CBLN2: variants seen among roughly 807,000 people sequenced by gnomAD.
The protein encoded by CBLN2 is cerebellin 2 precursor, also known as cerebellin-2.
Under a neutral mutation model 15.0 loss-of-function variants are expected in CBLN2, and 7 were observed. The observed-to-expected ratio is 0.47, with a 90% CI of 0.27 to 0.88. The LOEUF (loss-of-function observed/expected upper bound fraction) is 0.88. Ranked by LOEUF, CBLN2 falls within the 40% of genes least tolerant of loss-of-function variation. The pLI is 0.14. For missense variants in CBLN2, 242 were observed against 304.5 expected, an observed-to-expected ratio of 0.79 and a Z score of 1.53; for synonymous variants, 149 against 135.2, an observed-to-expected ratio of 1.10 and a Z score of -0.71.
intron 1 of CBLN2, among the ~76,000 whole-genome samples, chr18:72,553,458 T>TGATA (rs5826203): frequency 0.46 from 68,317 of 148,654 alleles, 15,787 homozygotes; most frequent in South Asian, 0.53. Flanking sequence ...TAACAATTTG[T>TGATA]GATAGATAGA....
chr18:72,564,892 T>C (rs1448245559), intron 1 of CBLN2, among the ~76,000 whole-genome samples: 2 of 152,130 alleles, frequency 1.3e-5, no homozygotes, highest in African/African-American at 4.8e-5. Context: ...GAGAGAACTC[T>C]AAAAGCAGCA....
Position 72,561,245 on chromosome 18 carries a change from A to C in CBLN2, c.16-22473T>G, listed in dbSNP as rs1234765547. Among the ~76,000 whole-genome samples the C allele has an allele frequency of 6.7e-5, 9 of 134,718 alleles. No individual in the cohort carries two copies. The East Asian group carries it at 5.5e-3, about 83-fold the overall frequency. 88.4% of individuals were successfully genotyped at this position (134,718 alleles called of 152,430 possible). ...AAACCAAAATAAAAACAACAACCCA[A>C]AAAAAAAAAAAAAAGATGCTTGACA... On this transcript the variant is annotated intron_variant, in intron 1 of 2. Coordinates refer to the CBLN2 transcript ENST00000581073.
chr18:72,596,106 C>T (rs1363590125), intron 1 of CBLN2, among the ~76,000 whole-genome samples: 2 of 151,968 alleles, frequency 1.3e-5, no homozygotes, highest in Admixed American at 1.3e-4. Flanking sequence ...TCTTCTCTTC[C>T]TTCTTTCTTT....
intron 1 of CBLN2, among the ~76,000 whole-genome samples, chr18:72,617,932 G>A (rs575809077): frequency 1.3e-5 from 2 of 152,046 alleles, no homozygotes; most frequent in East Asian, 1.9e-4. Flanking sequence ...ATTCCAGAAC[G>A]AGAAAAAGAA....
chr18:72,583,394 C>T (rs913388166), intron 1 of CBLN2, among the ~76,000 whole-genome samples: 14 of 152,104 alleles, frequency 9.2e-5, no homozygotes, highest in African/African-American at 3.4e-4. Flanking sequence ...CACGCCCAGT[C>T]CCTCCTTGCA....
chr18:72,540,786 G>A (rs1417977702), intron 3 of CBLN2, among the ~76,000 whole-genome samples: 1 of 152,154 alleles, frequency 6.6e-6, no homozygotes, highest in Non-Finnish European at 1.5e-5. Flanking sequence ...TGGTTATTAA[G>A]TTTAAGAGTT....
At chr18:72,561,027 A>G (rs552797604) in intron 1 of CBLN2, among the ~76,000 whole-genome samples, 136 of 152,262 alleles carry the variant, frequency 8.9e-4, no homozygotes, top group African/African-American at 3.2e-3. Context: ...TAAAGAAAGA[A>G]AAATAAAAAT....
rs76813961 is a variant in CBLN2 at position 72,554,656 on chromosome 18, A to G, written c.16-15884T>C. 4.2e-4 allele frequency among the ~76,000 whole-genome samples: 64 copies of G among 152,144 alleles called. 2 individuals are homozygous for G. The East Asian group carries it at 0.012, about 29-fold the overall frequency. On this transcript the variant is annotated intron_variant, in intron 1 of 2. Coordinates refer to the CBLN2 transcript ENST00000581073. ...TAAAAAAAAAAAATTGAATGCCTGC[A>G]AAGAAAAAAAAAACTAAAAACTCAG...
In CBLN2 at chr18:72,542,092, G is replaced by C; in HGVS notation, c.69C>G (p.Arg23=). 1 of 1,498,128 alleles carries C rather than the reference G, an allele frequency of 6.7e-7. No individual in the cohort carries two copies. The highest frequency in any genetic ancestry group is 8.8e-7 in the Non-Finnish European group (1 of 1,134,960). The allele number at this position is 1,498,128 out of a possible 1,614,324, so 92.8% of individuals were successfully genotyped here. A position where few individuals can be genotyped will look rare whatever the true frequency, so the allele number is the denominator to read the frequency against. The part of the protein sequence containing the change: ...LMMPGRRGAL[R]EPGGCGSCLG... ...GGCAGGATCCGCAGCCGCCCGGCTC[G>C]CGCAGCGCCCCCCGGCGCCCGGGCA... Residue 23 remains arginine (R), a synonymous_variant, in exon 3 of 5, where the codon CGC becomes CGG. Transcript: ENST00000269503.
At chr18:72,586,174 A>G (rs2069441773) in intron 1 of CBLN2, among the ~76,000 whole-genome samples, 1 of 152,188 alleles carries the variant, frequency 6.6e-6, no homozygotes, top group South Asian at 2.1e-4. Flanking sequence ...AGCCCTGGCC[A>G]TGCCTCCCCT....
At chr18:72,553,719 G>A (rs144314825) in intron 1 of CBLN2, among the ~76,000 whole-genome samples, 1 of 152,070 alleles carries the variant, frequency 6.6e-6, no homozygotes, top group East Asian at 1.9e-4. Context: ...CCTAATCCTG[G>A]TCATAGAATG....
At chr18:72,552,309 C>G (rs943182136) in intron 1 of CBLN2, among the ~76,000 whole-genome samples, 1 of 152,046 alleles carries the variant, frequency 6.6e-6, no homozygotes, top group African/African-American at 2.4e-5. Context: ...ATCTCGAACT[C>G]CTGACCTCAG....
At chr18:72,541,731 AC>A in intron 3 of CBLN2, 72 bp downstream of exon 3, 1 of 1,278,904 alleles carries the variant, frequency 7.8e-7, no homozygotes, top group Non-Finnish European at 1.1e-6. Flanking sequence ...AGAAGCCTGA[AC>A]CCCAGCCCGC....
At chr18:72,633,467 G>A (rs146563749) in intron 1 of CBLN2, among the ~76,000 whole-genome samples, 1 of 152,162 alleles carries the variant, frequency 6.6e-6, no homozygotes, top group Non-Finnish European at 1.5e-5. Flanking sequence ...CAGGATAGTA[G>A]CTAGCTTAAA....
At chr18:72,597,048 A>G (rs1483448817) in intron 1 of CBLN2, among the ~76,000 whole-genome samples, 4 of 152,194 alleles carry the variant, frequency 2.6e-5, no homozygotes, top group Non-Finnish European at 4.4e-5. Flanking sequence ...ACCAATAATT[A>G]TTAGGTTTGC....
At chr18:72,632,027 T>C (rs1055691919) in intron 1 of CBLN2, among the ~76,000 whole-genome samples, 1 of 152,176 alleles carries the variant, frequency 6.6e-6, no homozygotes, top group Non-Finnish European at 1.5e-5. Flanking sequence ...TCAATCCATT[T>C]CTAAGTTAGA....
intron 3 of CBLN2, chr18:72,539,115 A>G: frequency 4.4e-6 from 1 of 226,898 alleles, no homozygotes; most frequent in South Asian, 7.6e-5. Flanking sequence ...CAAATCCTAA[A>G]TTGAGTCCAG....
At chr18:72,575,125 G>C (rs2069356469) in intron 1 of CBLN2, among the ~76,000 whole-genome samples, 1 of 152,126 alleles carries the variant, frequency 6.6e-6, no homozygotes, top group Non-Finnish European at 1.5e-5. Context: ...AGTACGGTTG[G>C]AACAGGGCTG....
chr18:72,612,491 G>A (rs1351932607), intron 1 of CBLN2, among the ~76,000 whole-genome samples: 2 of 146,376 alleles, frequency 1.4e-5, no homozygotes, highest in African/African-American at 5.5e-5. Context: ...TTGCAGAATG[G>A]CCCCCTTACC....
Sources: allele counts gnomAD v4.1 joint callset (sites outside exome capture counted in the v4.1 genomes callset), GRCh38; gene constraint gnomAD v4.1.1; transcripts MANE v1.5; gene names NCBI Gene and HGNC (gene_info 2026-07-23, HGNC 2026-07-21).